The following TNR variants were observed in gnomAD, a reference collection of about 807,000 sequenced individuals.
The protein encoded by TNR is tenascin R, also known as tenascin-R.
Under a neutral mutation model 150.4 loss-of-function variants are expected in TNR, and 45 were observed. The observed-to-expected ratio is 0.30, with a 90% CI of 0.24 to 0.38. The LOEUF (loss-of-function observed/expected upper bound fraction) is 0.38, where lower values mean the gene tolerates loss of function less well. Ranked by LOEUF, TNR falls within the 10% of genes least tolerant of loss-of-function variation. The pLI, the probability that TNR is intolerant of heterozygous loss-of-function variation, is 1.00. For synonymous variants in TNR, 687 were observed against 678.4 expected (o/e 1.01, Z -0.20); for missense variants, 1,544 against 1,759.1 (o/e 0.88, Z 2.19).
rs182012416 is a variant in TNR at position 175,688,395 on chromosome 1, G to A, written c.-165+54831C>T. 1.0e-3 allele frequency among the ~76,000 whole-genome samples: 156 copies of A among 152,318 alleles called. 1 individual carries two copies. The highest frequency in any genetic ancestry group is 3.3e-3 in the African/African-American group (138 of 41,576). ...TAACTGTGATGAGGCTTGCTATTCC[G>A]TTTTGTTGTGACTGCCCAGGAAATC... On this transcript the variant is annotated intron_variant, in intron 1 of 22. Coordinates refer to ENST00000367674, the MANE Select transcript of TNR (RefSeq NM_003285.3).
intron 1 of TNR, among the ~76,000 whole-genome samples, chr1:175,583,982 C>T (rs755899141): frequency 2.0e-5 from 3 of 152,132 alleles, no homozygotes; most frequent in African/African-American, 4.8e-5. Flanking sequence ...GTCCAGAAGA[C>T]GTGGAGCTGT....
intron 1 of TNR, among the ~76,000 whole-genome samples, chr1:175,671,950 T>TGTGTGTGTGTGTGTGTG (rs1491413157): frequency 1.2e-4 from 16 of 137,948 alleles, no homozygotes; most frequent in African/African-American, 3.4e-4. Flanking sequence ...TGTGTGTGTG[T>TGTGTGTGTGTGTGTGTG]TGGAGAGGGG....
At chr1:175,712,218 T>C (rs555596708) in intron 1 of TNR, among the ~76,000 whole-genome samples, 1 of 152,228 alleles carries the variant, frequency 6.6e-6, no homozygotes, top group East Asian at 1.9e-4. Flanking sequence ...TGAGGCATCT[T>C]AGGCTTTGAG....
chr1:175,581,775 C>A (rs1407410409), intron 1 of TNR, among the ~76,000 whole-genome samples: 1 of 151,934 alleles, frequency 6.6e-6, no homozygotes, highest in Non-Finnish European at 1.5e-5. Context: ...AGTGACATGG[C>A]CCCTGCTAAT....
In TNR at chr1:175,406,358, G is replaced by T. The variant is rs951109017; in HGVS notation, c.357C>A (p.Asn119Lys). The change falls in exon 3 of 23, where the codon AAC becomes AAA. Residue 119 changes from asparagine (N) to lysine (K), a missense_variant. Asn to Lys is a moderately conservative substitution (Grantham distance 94). Around this residue, in one of 2 missense-constraint regions of TNR, gnomAD observed 1,254 missense variants for 1,329.4 expected, o/e 0.94. Coordinates refer to ENST00000367674, the MANE Select transcript of TNR (RefSeq NM_003285.3). ...CACATGGACAGGCCTTTTTGGGGAAGTTGATCCTGTGTGTAAAGGTGACCT... is the reference window on the plus strand; with the variant it reads ...CACATGGACAGGCCTTTTTGGGGAATTTGATCCTGTGTGTAAAGGTGACCT... ...ESQVTFTHRI[N>K]FPKKACPCAS... The T allele has an allele frequency of 3.1e-6, 5 of 1,614,156 alleles. No homozygotes were observed. In the Admixed American group the frequency reaches 6.7e-5, roughly 22 times the overall value.
chr1:175,586,148 A>C (rs950871069), intron 1 of TNR, among the ~76,000 whole-genome samples: 3 of 152,144 alleles, frequency 2.0e-5, no homozygotes, highest in African/African-American at 7.2e-5. Context: ...GGAAGCCCTC[A>C]AGGAAGAGGG....
chr1:175,620,780 G>T (rs1663944644), intron 1 of TNR, among the ~76,000 whole-genome samples: 1 of 152,124 alleles, frequency 6.6e-6, no homozygotes. Context: ...AGGGTGAGCA[G>T]GTGTATGGGA....
At chr1:175,479,143 G>A (rs575516671) in intron 2 of TNR, among the ~76,000 whole-genome samples, 1 of 152,240 alleles carries the variant, frequency 6.6e-6, no homozygotes, top group East Asian at 1.9e-4. Context: ...TCAAACCATG[G>A]GAAATTTGTT....
intron 4 of TNR, among the ~76,000 whole-genome samples, chr1:175,402,074 G>A (rs984146507): frequency 3.3e-5 from 5 of 151,932 alleles, no homozygotes; most frequent in Admixed American, 2.6e-4. Context: ...TTGGGAGGCC[G>A]AGGCGGGCGG....
chr1:175,628,359 G>A (rs115479078), intron 1 of TNR, among the ~76,000 whole-genome samples: 454 of 152,050 alleles, frequency 3.0e-3, no homozygotes, highest in African/African-American at 0.011. Context: ...CCACTTAAAG[G>A]GACCTATGGG....
At position 175,388,487 on chromosome 1, in the gene TNR, AG is replaced by A. The variant is rs1167415606; in HGVS notation, c.1508-2187del. Among the ~76,000 whole-genome samples the A allele has an allele frequency of 5.3e-5, 8 of 152,342 alleles. No individual in the cohort carries two copies. The South Asian group carries it at 6.2e-4, about 12-fold the overall frequency. Reference sequence around the variant, plus strand: ...TGATGAGGACACAGAGCTTCGCAGTAGGGGGTTGGTGTAGGTCAGACCTTAG... The same window carrying A: ...TGATGAGGACACAGAGCTTCGCAGTAGGGGTTGGTGTAGGTCAGACCTTAG... On this transcript the variant is annotated intron_variant, in intron 7 of 22. Transcript: ENST00000367674.
chr1:175,600,684 T>C (rs1663199746), intron 1 of TNR, among the ~76,000 whole-genome samples: 1 of 152,242 alleles, frequency 6.6e-6, no homozygotes, highest in East Asian at 1.9e-4. Context: ...CCTGAAGCTA[T>C]GCTCCCTGGC....
rs74642169 is a variant in TNR, at chr1:175,435,620, G to A, written c.-63-28843C>T. On this transcript the variant is annotated intron_variant, in intron 2 of 22. Coordinates refer to ENST00000367674, the MANE Select transcript of TNR (RefSeq NM_003285.3). The stretch of plus-strand genomic sequence containing the variant: ...ATGGAAATGAGCGGCGTGAGTGTAG[G>A]AGGAGAAAAGAAGGATTCCAAGGAC... Among the ~76,000 whole-genome samples, 3 of 152,214 alleles carry A rather than the reference G, an allele frequency of 2.0e-5. No individual in the cohort carries two copies. The East Asian group carries it at 5.8e-4, about 29-fold the overall frequency.
intron 9 of TNR, among the ~76,000 whole-genome samples, chr1:175,376,106 G>A (rs900372199): frequency 2.0e-5 from 3 of 152,106 alleles, no homozygotes; most frequent in African/African-American, 7.2e-5. Flanking sequence ...CTCTGGGTTG[G>A]TAGTTCTCGG....
At chr1:175,349,240 T>A (rs1650941799) in intron 18 of TNR, among the ~76,000 whole-genome samples, 1 of 152,198 alleles carries the variant, frequency 6.6e-6, no homozygotes. Context: ...CTTCTGGGCA[T>A]ATATTCCAGA....
intron 2 of TNR, among the ~76,000 whole-genome samples, chr1:175,415,513 T>C (rs1327717624): frequency 6.6e-6 from 1 of 152,262 alleles, no homozygotes; most frequent in Non-Finnish European, 1.5e-5. Flanking sequence ...CCAACGCCCC[T>C]GACCACGTGC....
intron 1 of TNR, among the ~76,000 whole-genome samples, chr1:175,660,467 C>T (rs1001243024): frequency 5.3e-5 from 8 of 152,200 alleles, no homozygotes; most frequent in Non-Finnish European, 1.0e-4. Context: ...TCATATGACC[C>T]TGGGCAAATC....
chr1:175,639,000 G>T (rs1395001875), intron 1 of TNR, among the ~76,000 whole-genome samples: 2 of 151,864 alleles, frequency 1.3e-5, no homozygotes, highest in Non-Finnish European at 2.9e-5. Flanking sequence ...CCAATCTATG[G>T]GCAAAGTCTA....
At chr1:175,736,036 G>A (rs1050608506) in intron 1 of TNR, among the ~76,000 whole-genome samples, 2 of 152,192 alleles carry the variant, frequency 1.3e-5, no homozygotes, top group Admixed American at 1.3e-4. Context: ...CACTTGAGGA[G>A]CATATAAAAT....
Sources: gnomAD v4.1 joint callset for allele counts (sites outside exome capture counted in the v4.1 genomes callset) on GRCh38, gnomAD v4.1.1 for gene constraint, gnomAD v4.1.1 regional missense constraint, MANE v1.5 for transcripts, NCBI Gene and HGNC (gene_info 2026-07-23, HGNC 2026-07-21) for gene names.